Variants in CREBBP observed in about 807,000 individuals in gnomAD.
CREBBP encodes CREB binding lysine acetyltransferase.
In CREBBP, 19 loss-of-function variants were observed where a neutral mutation model predicts 265.0. The observed-to-expected ratio is 0.07, with a 90% confidence interval of 0.05 to 0.11. The LOEUF is 0.11. Ranked by LOEUF, CREBBP falls within the 10% of genes least tolerant of loss-of-function variation. CREBBP has a pLI of 1.00. For missense variants in CREBBP, 2,525 were observed against 3,219.0 expected (o/e 0.78, Z 5.22); for synonymous variants, 1,457 against 1,223.7 (o/e 1.19, Z -3.98).
rs897446351 is a variant in CREBBP at position 3,761,461 on chromosome 16, A to T, written c.3251-2489T>A. 4.6e-4 allele frequency: 232 copies of T among 499,418 alleles called. 3 individuals carry two copies. Among genetic ancestry groups the T allele is most frequent in the Middle Eastern group, 3.0e-3 (9 of 3,044 alleles). 30.9% of individuals were successfully genotyped at this position (499,418 alleles called of 1,614,324 possible). A position where few individuals can be genotyped will look rare whatever the true frequency, so the allele number is the denominator to read the frequency against. On this transcript the variant is annotated intron_variant, in intron 16 of 30. Transcript: ENST00000262367. ...TTCCTAACTGGTGAAAGCAAAAGTT[A>T]AAAGTTGGAAGGAAAAACCCATGTG...
chr16:3,772,340 C>G (rs2053033305), intron 13 of CREBBP, among the ~76,000 whole-genome samples: 1 of 149,720 alleles, frequency 6.7e-6, no homozygotes, highest in Non-Finnish European at 1.5e-5. Context: ...CACACACACA[C>G]ACACACACAC....
chr16:3,813,691 G>A lies in CREBBP; in HGVS notation c.799-2912C>T, dbSNP rs985412504. Among the ~76,000 whole-genome samples, 74 of 151,960 alleles carry A rather than the reference G, an allele frequency of 4.9e-4. 2 individuals are homozygous for A. Among genetic ancestry groups the A allele is most frequent in the Non-Finnish European group, 1.0e-4 (7 of 68,018 alleles). ...ATTTTCCCTCGATCAATTCATCCTCGAAGTCAACTGGTATTCACCAAGTGC... is the reference window on the plus strand; with the variant it reads ...ATTTTCCCTCGATCAATTCATCCTCAAAGTCAACTGGTATTCACCAAGTGC... On this transcript the variant is annotated intron_variant, in intron 2 of 30. Coordinates refer to ENST00000262367, the MANE Select transcript of CREBBP (RefSeq NM_004380.3).
In CREBBP at chr16:3,782,374, G is replaced by A. The variant is rs121648; in HGVS notation, c.1573+310C>T. 0.022 allele frequency among the ~76,000 whole-genome samples: 3,420 copies of A among 152,264 alleles called. 112 individuals are homozygous for A. Among genetic ancestry groups the A allele is most frequent in the African/African-American group, 0.074 (3,086 of 41,534 alleles). ...TAAATGACAACAGTCAGCATGAGGC[G>A]TCCAGTCAGCATCCTGACTTGTGAG... On this transcript the variant is annotated intron_variant, in intron 6 of 30. Transcript: ENST00000262367.
intron 1 of CREBBP, among the ~76,000 whole-genome samples, chr16:3,859,998 C>T (rs999049246): frequency 4.6e-5 from 7 of 152,130 alleles, no homozygotes; most frequent in Non-Finnish European, 1.0e-4. Context: ...GGTAAAACAA[C>T]TTGGGGCTTG....
At chr16:3,853,904 T>C (rs891573568) in intron 1 of CREBBP, among the ~76,000 whole-genome samples, 1 of 151,674 alleles carries the variant, frequency 6.6e-6, no homozygotes, top group African/African-American at 2.4e-5. Context: ...GCCATTGCAC[T>C]CCAGCCTGGG....
rs71133655 is a variant in CREBBP at position 3,768,136 on chromosome 16, GTTTTTTTTTTTTT to G, written c.3061-240_3061-228del. Among the ~76,000 whole-genome samples, 316 of 51,596 alleles carry G rather than the reference GTTTTTTTTTTTTT, an allele frequency of 6.1e-3. No homozygotes were observed. In the South Asian group the frequency reaches 0.069, roughly 11 times the overall value. 33.8% of individuals were successfully genotyped at this position (51,596 alleles called of 152,430 possible). Reference sequence around the variant, plus strand: ...CAATTATGGTCCTAAATTTAAAAGTGTTTTTTTTTTTTTTTTTTTTTTTTTTTTTTTTTGAGAC... The same window carrying G: ...CAATTATGGTCCTAAATTTAAAAGTGTTTTTTTTTTTTTTTTTTTTGAGAC... On this transcript the variant is annotated intron_variant, in intron 15 of 30. Transcript: ENST00000262367.
intron 2 of CREBBP, among the ~76,000 whole-genome samples, chr16:3,842,265 C>T (rs1033223685): frequency 2.0e-5 from 3 of 152,190 alleles, no homozygotes; most frequent in African/African-American, 7.2e-5. Flanking sequence ...TGCCTCCGGA[C>T]CCCTTGACCC....
intron 16 of CREBBP, among the ~76,000 whole-genome samples, chr16:3,762,180 G>A (rs1462163273): frequency 6.6e-6 from 1 of 152,112 alleles, no homozygotes; most frequent in Non-Finnish European, 1.5e-5. Flanking sequence ...GAGGCCTCAG[G>A]ACGCACAAAG....
At chr16:3,796,916 C>CT (rs1343915091) in intron 3 of CREBBP, among the ~76,000 whole-genome samples, 1 of 152,200 alleles carries the variant, frequency 6.6e-6, no homozygotes, top group Non-Finnish European at 1.5e-5. Flanking sequence ...GTCCCTGTCT[C>CT]TGTCTTTCCC....
At chr16:3,831,556 A>G (rs1052971545) in intron 2 of CREBBP, among the ~76,000 whole-genome samples, 24 of 152,218 alleles carry the variant, frequency 1.6e-4, no homozygotes, top group Admixed American at 1.3e-4. Flanking sequence ...GAAATAAATG[A>G]CATAGAAAAC....
At chr16:3,801,607 C>T (rs376370940) in intron 3 of CREBBP, among the ~76,000 whole-genome samples, 1 of 151,998 alleles carries the variant, frequency 6.6e-6, no homozygotes, top group East Asian at 1.9e-4. Flanking sequence ...GAAGTGGAGG[C>T]GTCAGTGAGC....
chr16:3,733,921 C>T (rs751592381), intron 28 of CREBBP, among the ~76,000 whole-genome samples: 1 of 152,144 alleles, frequency 6.6e-6, no homozygotes, highest in Admixed American at 6.5e-5. Context: ...GGATTACAGG[C>T]GTGAGCCACC....
intron 24 of CREBBP, among the ~76,000 whole-genome samples, chr16:3,740,002 G>T (rs951535972): frequency 2.0e-5 from 3 of 152,210 alleles, no homozygotes; most frequent in Non-Finnish European, 4.4e-5. Context: ...CTTATCCACG[G>T]GGTGTATGTT....
At position 3,799,040 on chromosome 16, in the gene CREBBP, G is replaced by A. The variant is rs143717200; in HGVS notation, c.976-5414C>T. On this transcript the variant is annotated intron_variant, in intron 3 of 30. Coordinates refer to ENST00000262367, the MANE Select transcript of CREBBP (RefSeq NM_004380.3). ...CCACACATACTACAACATGAACTCC[G>A]AAAACATGCTTCGTAAAAGAAGCCA... 9.9e-4 allele frequency among the ~76,000 whole-genome samples: 151 copies of A among 152,214 alleles called. 1 individual carries two copies. The highest frequency in any genetic ancestry group is 3.4e-3 in the African/African-American group (142 of 41,530).
intron 5 of CREBBP, among the ~76,000 whole-genome samples, chr16:3,786,320 C>T (rs1020163873): frequency 2.6e-5 from 4 of 152,172 alleles, no homozygotes; most frequent in Admixed American, 6.5e-5. Flanking sequence ...GAGCTGAGAT[C>T]GCGCCACTAC....
At chr16:3,861,456 C>A (rs1286822644) in intron 1 of CREBBP, among the ~76,000 whole-genome samples, 1 of 152,100 alleles carries the variant, frequency 6.6e-6, no homozygotes, top group Non-Finnish European at 1.5e-5. Flanking sequence ...GCTGAACCAG[C>A]CAAAGCCTTT....
intron 2 of CREBBP, among the ~76,000 whole-genome samples, chr16:3,832,903 AAC>A (rs1024552226): frequency 6.6e-6 from 1 of 152,184 alleles, no homozygotes; most frequent in Non-Finnish European, 1.5e-5. Flanking sequence ...AGAAAAAAAA[AAC>A]ACCCTATGAT....
intron 7 of CREBBP, 123 bp from the exon 8 acceptor site, chr16:3,781,001 GTA>G: frequency 8.4e-7 from 1 of 1,187,088 alleles, no homozygotes; most frequent in Non-Finnish European, 1.2e-6. Flanking sequence ...GCCAAGTGAT[GTA>G]AATAAATAAA....
At chr16:3,812,428 C>T (rs1024807276) in intron 2 of CREBBP, among the ~76,000 whole-genome samples, 1 of 152,076 alleles carries the variant, frequency 6.6e-6, no homozygotes, top group African/African-American at 2.4e-5. Flanking sequence ...ATCCGCCCAC[C>T]TTGGCCTCCC....
Sources: allele counts gnomAD v4.1 joint callset (sites outside exome capture counted in the v4.1 genomes callset), GRCh38; gene constraint gnomAD v4.1.1; transcripts MANE v1.5; gene names NCBI Gene and HGNC (gene_info 2026-07-23, HGNC 2026-07-21).